Variants in MAP3K19 observed in about 807,000 individuals in gnomAD.
MAP3K19 encodes the protein SPS1/STE20-related protein kinase YSK4.
MAP3K19 carries 91 observed loss-of-function variants against 114.4 expected under a neutral mutation model. The ratio of observed to expected loss-of-function variants is 0.80; its 90% CI spans 0.67 to 0.95. MAP3K19 has a LOEUF of 0.95. Among genes scored for constraint, MAP3K19 ranks in the 40% least tolerant of loss-of-function variants. MAP3K19 has a pLI of 0.00. For synonymous variants in MAP3K19, 518 were observed against 530.5 expected (o/e 0.98, Z 0.32); for missense variants, 1,471 against 1,573.2 (o/e 0.94, Z 1.10).
intron 12 of MAP3K19, among the ~76,000 whole-genome samples, chr2:134,976,316 T>C (rs1178625629): frequency 2.0e-5 from 3 of 152,188 alleles, no homozygotes; most frequent in African/African-American, 7.2e-5. Context: ...CTAGTCTCAG[T>C]GTCTGCAAGG....
At chr2:135,023,294 T>TGAGGACATCAC (rs1259958266) in intron 4 of MAP3K19, 4 of 372,078 alleles carry the variant, frequency 1.1e-5, no homozygotes, top group South Asian at 8.5e-5. Flanking sequence ...CTCCTCCTCC[T>TGAGGACATCAC]CTCACTTCCT....
intron 12 of MAP3K19, among the ~76,000 whole-genome samples, chr2:134,968,257 T>C (rs1007844872): frequency 5.3e-5 from 8 of 152,156 alleles, no homozygotes; most frequent in African/African-American, 9.7e-5. Flanking sequence ...CCATGTATAC[T>C]TCTTTCTACA....
intron 3 of MAP3K19, among the ~76,000 whole-genome samples, chr2:135,029,352 G>C (rs959710499): frequency 2.7e-5 from 4 of 147,092 alleles, no homozygotes; most frequent in Admixed American, 2.0e-4. Context: ...CTCCAGCCTG[G>C]GCGACAGAGC....
rs1030568519 is a variant in MAP3K19 at position 135,040,537 on chromosome 2, C to A, written c.-423-35G>T. 2.0e-5 allele frequency: 3 copies of A among 151,034 alleles called. No homozygotes were observed. In the East Asian group the frequency reaches 5.8e-4, roughly 29 times the overall value. The allele number at this position is 151,034 out of a possible 1,614,324, so 9.4% of individuals were successfully genotyped here. ...AATGAATCAGTTTATTTTTATTCAT[C>A]TTGCTAGTTCCACATGATTGCCTTG... On this transcript the variant is annotated intron_variant, in intron 1 of 12. Transcript: ENST00000392915.
chr2:135,015,668 G>A (rs767627851), intron 5 of MAP3K19, among the ~76,000 whole-genome samples: 2 of 152,096 alleles, frequency 1.3e-5, no homozygotes, highest in Non-Finnish European at 2.9e-5. Flanking sequence ...GCCGAGGTGG[G>A]TGGATCACGA....
chr2:135,010,089 G>T (rs1372017483), intron 5 of MAP3K19, among the ~76,000 whole-genome samples: 1 of 147,598 alleles, frequency 6.8e-6, no homozygotes, highest in Non-Finnish European at 1.5e-5. Context: ...TTGAAACAAT[G>T]AATTTCAACA....
intron 12 of MAP3K19, among the ~76,000 whole-genome samples, chr2:134,969,997 G>GT (rs61066983): frequency 0.31 from 46,543 of 151,918 alleles, 8,087 homozygotes; most frequent in Middle Eastern, 0.62. Context: ...ATACCATGCT[G>GT]TTTGGTTACT....
At chr2:135,002,211 A>T (rs1019810679) in intron 6 of MAP3K19, among the ~76,000 whole-genome samples, 1 of 152,194 alleles carries the variant, frequency 6.6e-6, no homozygotes, top group Non-Finnish European at 1.5e-5. Context: ...AAAAGACAAC[A>T]TTTCAACATA....
chr2:134,991,518 A>G lies in MAP3K19; in HGVS notation c.618+19T>C, dbSNP rs1685575115. The G allele has an allele frequency of 5.6e-6, 9 of 1,609,656 alleles. No homozygotes were observed. Among genetic ancestry groups the G allele is most frequent in the Non-Finnish European group, 7.7e-6 (9 of 1,175,932 alleles). On this transcript the variant is annotated intron_variant, in intron 9 of 12. Coordinates refer to ENST00000392915, the MANE Select transcript of MAP3K19 (RefSeq NM_025052.5). ...TTTGGTTTTAATTCTCAAGTCAAAA[A>G]TGCTAGCACTAATCTTACCTTGATG... is the stretch of plus-strand genomic sequence containing the variant.
At chr2:134,971,293 T>C (rs1488122064) in intron 12 of MAP3K19, among the ~76,000 whole-genome samples, 4 of 152,232 alleles carry the variant, frequency 2.6e-5, no homozygotes, top group Admixed American at 6.5e-5. Context: ...TATTATCTTT[T>C]TGATGTGCTG....
intron 2 of MAP3K19, among the ~76,000 whole-genome samples, chr2:135,033,443 G>A (rs1406870126): frequency 8.5e-6 from 1 of 118,152 alleles, no homozygotes. Flanking sequence ...CAGTAGGGGC[G>A]GTCGGGCAGA....
In MAP3K19 at chr2:135,015,524, G is replaced by T. The variant is rs569569934; in HGVS notation, c.138+6191C>A. Among the ~76,000 whole-genome samples the T allele has an allele frequency of 1.7e-4, 26 of 152,192 alleles. No homozygotes were observed. The East Asian group carries it at 4.6e-3, about 27-fold the overall frequency. ...TCTTAATGATGTCTTTAGATAAAAA[G>T]AAATGCTTCATTTAATATAGCCCAT... is the stretch of plus-strand genomic sequence containing the variant. On this transcript the variant is annotated intron_variant, in intron 5 of 12. Coordinates refer to ENST00000392915, the MANE Select transcript of MAP3K19 (RefSeq NM_025052.5).
intron 11 of MAP3K19, among the ~76,000 whole-genome samples, chr2:134,982,723 C>T (rs1331244386): frequency 6.6e-6 from 1 of 152,102 alleles, no homozygotes; most frequent in Non-Finnish European, 1.5e-5. Context: ...TAAAATAGAG[C>T]TGGTTCAGCT....
Position 134,993,996 on chromosome 2 carries a change from C to T in MAP3K19, c.575-2416G>A, listed in dbSNP as rs531549176. On this transcript the variant is annotated intron_variant, in intron 8 of 12. Coordinates refer to ENST00000392915, the MANE Select transcript of MAP3K19 (RefSeq NM_025052.5). ...CTGCACTCCAGCATGGGCAACAGAG[C>T]GAGACCCTATCTCCAAAAAAGTAAA... Among the ~76,000 whole-genome samples the T allele has an allele frequency of 2.2e-4, 33 of 152,130 alleles. 1 individual carries two copies. The highest frequency in any genetic ancestry group is 2.1e-3 in the South Asian group (10 of 4,818).
chr2:135,025,108 G>T (rs1479199320), intron 3 of MAP3K19, among the ~76,000 whole-genome samples: 2 of 151,664 alleles, frequency 1.3e-5, no homozygotes, highest in East Asian at 1.9e-4. Context: ...GAGTCATAAG[G>T]ATTAAAACAT....
intron 12 of MAP3K19, among the ~76,000 whole-genome samples, chr2:134,968,838 T>C (rs367743928): frequency 1.7e-4 from 25 of 143,516 alleles, no homozygotes; most frequent in Non-Finnish European, 2.9e-4. Context: ...GGATGGCGGC[T>C]GGGCAGAGAC....
intron 1 of MAP3K19, among the ~76,000 whole-genome samples, chr2:135,046,983 A>G (rs972344250): frequency 5.9e-5 from 9 of 152,240 alleles, no homozygotes; most frequent in African/African-American, 2.2e-4. Flanking sequence ...GTGCCTGCAT[A>G]AGTATTGGAG....
chr2:134,984,735 G>C (rs1015486986), intron 10 of MAP3K19, among the ~76,000 whole-genome samples: 10 of 152,126 alleles, frequency 6.6e-5, no homozygotes, highest in African/African-American at 2.2e-4. Flanking sequence ...GGTGGATCGC[G>C]AGGTCAGGAG....
chr2:135,021,530 A>T (rs1393230492), intron 5 of MAP3K19, among the ~76,000 whole-genome samples, 185 bp downstream of exon 5: 1 of 152,180 alleles, frequency 6.6e-6, no homozygotes, highest in East Asian at 1.9e-4. Flanking sequence ...TGAGTCTCAG[A>T]GTTTACTAGC....
Sources: allele counts gnomAD v4.1 joint callset (sites outside exome capture counted in the v4.1 genomes callset), GRCh38; gene constraint gnomAD v4.1.1; transcripts MANE v1.5; gene names NCBI Gene and HGNC (gene_info 2026-07-23, HGNC 2026-07-21).